The following FRK variants were observed in gnomAD, a reference collection of about 807,000 sequenced individuals.
FRK encodes the protein tyrosine-protein kinase FRK.
In FRK, 51 loss-of-function variants were observed where a neutral mutation model predicts 56.4. The ratio of observed to expected loss-of-function variants is 0.90; its 90% confidence interval spans 0.72 to 1.14. The LOEUF (loss-of-function observed/expected upper bound fraction) is 1.14, where lower values mean the gene tolerates loss of function less well. Among genes scored for constraint, FRK ranks in the 50% most tolerant of loss-of-function variants. The probability of loss-of-function intolerance (pLI) is 0.00; values close to 1 mark genes in which losing one functional copy is unlikely to be tolerated. For missense variants in FRK, 570 were observed against 601.4 expected (o/e 0.95, Z 0.55); for synonymous variants, 245 against 217.9 (o/e 1.12, Z -1.10).
intron 1 of FRK, among the ~76,000 whole-genome samples, chr6:116,026,171 C>G (rs1776082916): frequency 6.6e-6 from 1 of 152,122 alleles, no homozygotes; most frequent in Non-Finnish European, 1.5e-5. Flanking sequence ...ATACTCCTCC[C>G]TCCTTCATGA....
chr6:116,097,599 T>TA, the FRK span, among the ~76,000 whole-genome samples: 1 of 152,188 alleles, frequency 6.6e-6, no homozygotes, highest in Non-Finnish European at 1.5e-5. Flanking sequence ...CACCTAAGGT[T>TA]AAAATTGCTA....
chr6:115,998,140 A>G (rs767100252), intron 2 of FRK, among the ~76,000 whole-genome samples: 73 of 152,282 alleles, frequency 4.8e-4, no homozygotes, highest in Non-Finnish European at 9.3e-4. Flanking sequence ...TGAGCTTGGG[A>G]TCTGTTGCTT....
intron 1 of FRK, among the ~76,000 whole-genome samples, chr6:116,049,605 T>C (rs1777113419): frequency 6.6e-6 from 1 of 152,182 alleles, no homozygotes. Context: ...GGCAGATAAA[T>C]CTCACTTCCA....
chr6:115,985,730 T>C (rs990811583), intron 2 of FRK, among the ~76,000 whole-genome samples: 2 of 152,000 alleles, frequency 1.3e-5, no homozygotes, highest in African/African-American at 4.8e-5. Context: ...TCTGTAGATA[T>C]TATTCTCATC....
At chr6:116,082,057 CA>C in the FRK span, among the ~76,000 whole-genome samples, 2 of 151,940 alleles carry the variant, frequency 1.3e-5, no homozygotes, top group South Asian at 4.2e-4. Context: ...ATAATTTAAG[CA>C]AAAATATAAA....
At chr6:116,065,908 G>T in the FRK span, among the ~76,000 whole-genome samples, 1 of 152,138 alleles carries the variant, frequency 6.6e-6, no homozygotes, top group Non-Finnish European at 1.5e-5. Flanking sequence ...TAATTGTGTT[G>T]TTTCCCCAAG....
the FRK span, among the ~76,000 whole-genome samples, chr6:116,094,155 C>T: frequency 6.6e-6 from 1 of 152,204 alleles, no homozygotes; most frequent in African/African-American, 2.4e-5. Flanking sequence ...AAGAAACAAG[C>T]TGCCCCCTCG....
chr6:115,992,663 T>C (rs1018163277), intron 2 of FRK, among the ~76,000 whole-genome samples: 2 of 151,792 alleles, frequency 1.3e-5, no homozygotes, highest in African/African-American at 4.8e-5. Context: ...AGTACCTTGC[T>C]CAAAGAAAGT....
rs1240469457 is a variant in FRK, at chr6:115,940,409, A to T, written c.*2005T>A. On this transcript the variant is annotated 3_prime_UTR_variant, in exon 8 of 8. Coordinates refer to ENST00000606080, the MANE Select transcript of FRK (RefSeq NM_002031.3). The stretch of plus-strand genomic sequence containing the variant: ...AAACCTAGGCAACACCATTCAGGAC[A>T]TAGGCATTGGAAAAGACATCATGAC... 3 of 152,370 alleles carry T rather than the reference A, an allele frequency of 2.0e-5. No homozygotes were observed. The East Asian group carries it at 5.8e-4, about 29-fold the overall frequency. 9.4% of individuals were successfully genotyped at this position (152,370 alleles called of 1,614,324 possible). A position where few individuals can be genotyped will look rare whatever the true frequency, so the allele number is the denominator to read the frequency against.
chr6:116,091,985 T>G, the FRK span, among the ~76,000 whole-genome samples: 1 of 152,194 alleles, frequency 6.6e-6, no homozygotes. Context: ...CCTCGCCTCT[T>G]GGGTCCTAAT....
At position 115,935,112 on chromosome 6, in the gene FRK, A is replaced by C. The variant is rs1393744095; in HGVS notation, c.*7302T>G. 3 of 152,428 alleles carry C rather than the reference A, an allele frequency of 2.0e-5. No individual in the cohort carries two copies. The East Asian group carries it at 5.8e-4, about 29-fold the overall frequency. 9.4% of individuals were successfully genotyped at this position (152,428 alleles called of 1,614,324 possible). A position where few individuals can be genotyped will look rare whatever the true frequency, so the allele number is the denominator to read the frequency against. Reference sequence around the variant, plus strand: ...CAGCTCCCAGTGAGATCAACGCAGAAGGCGGGTGATTTCTGCATTTCCAAC... The same window carrying C: ...CAGCTCCCAGTGAGATCAACGCAGACGGCGGGTGATTTCTGCATTTCCAAC... On this transcript the variant is annotated 3_prime_UTR_variant, in exon 8 of 8. Coordinates refer to ENST00000606080, the MANE Select transcript of FRK (RefSeq NM_002031.3).
At chr6:116,040,866 T>C (rs1394331893) in intron 1 of FRK, among the ~76,000 whole-genome samples, 1 of 152,044 alleles carries the variant, frequency 6.6e-6, no homozygotes, top group African/African-American at 2.4e-5. Flanking sequence ...ATATATTATT[T>C]TGTATTTATA....
Position 115,981,904 on chromosome 6 carries a change from A to T in FRK, c.467-13165T>A, listed in dbSNP as rs192324847. 2.2e-3 allele frequency among the ~76,000 whole-genome samples: 331 copies of T among 152,134 alleles called. 2 individuals are homozygous for T. Among genetic ancestry groups the T allele is most frequent in the African/African-American group, 7.7e-3 (318 of 41,514 alleles). On this transcript the variant is annotated intron_variant, in intron 2 of 7. Transcript: ENST00000606080. ...AAGCAGATAGCTCTATTTCTTGGAAATTTCATCATATTTAATGAGGACCCA... is the reference window on the plus strand; with the variant it reads ...AAGCAGATAGCTCTATTTCTTGGAATTTTCATCATATTTAATGAGGACCCA...
At chr6:116,065,921 T>C in the FRK span, among the ~76,000 whole-genome samples, 2 of 152,222 alleles carry the variant, frequency 1.3e-5, no homozygotes, top group Non-Finnish European at 2.9e-5. Flanking sequence ...TCCCCAAGCA[T>C]ATTGCCCTGT....
chr6:116,062,472 A>G (rs1278647037), upstream of FRK, among the ~76,000 whole-genome samples: 1 of 151,984 alleles, frequency 6.6e-6, no homozygotes, highest in Non-Finnish European at 1.5e-5. Flanking sequence ...GAAAAAAAAA[A>G]AAAGAAAAGA....
the FRK span, among the ~76,000 whole-genome samples, chr6:116,080,040 G>A: frequency 6.6e-6 from 1 of 152,110 alleles, no homozygotes; most frequent in Non-Finnish European, 1.5e-5. Context: ...ATAGTAATGT[G>A]AATATGTACT....
the FRK span, among the ~76,000 whole-genome samples, chr6:116,091,304 G>A: frequency 6.6e-6 from 1 of 152,280 alleles, no homozygotes; most frequent in African/African-American, 2.4e-5. Context: ...CTGTAAAATG[G>A]ACCAATCAGC....
chr6:116,052,254 G>A (rs985309405), intron 1 of FRK, among the ~76,000 whole-genome samples: 4 of 152,144 alleles, frequency 2.6e-5, no homozygotes, highest in Non-Finnish European at 5.9e-5. Flanking sequence ...TTATGACTGT[G>A]AGTCTAACCA....
chr6:115,958,586 C>G (rs964975657), intron 4 of FRK, among the ~76,000 whole-genome samples: 1 of 149,504 alleles, frequency 6.7e-6, no homozygotes, highest in Non-Finnish European at 1.5e-5. Context: ...TGAGATCACA[C>G]CATTGCACTC....
Sources: gnomAD v4.1 joint callset for allele counts (sites outside exome capture counted in the v4.1 genomes callset) on GRCh38, gnomAD v4.1.1 for gene constraint, MANE v1.5 for transcripts, NCBI Gene and HGNC (gene_info 2026-07-23, HGNC 2026-07-21) for gene names.